Variants in RNF7 observed in about 807,000 individuals in gnomAD.
RNF7 encodes the protein RING-box protein 2.
RNF7 carries 9 observed loss-of-function variants against 17.0 expected under a neutral mutation model. The observed-to-expected ratio is 0.53, with a 90% CI of 0.32 to 0.92. The LOEUF (loss-of-function observed/expected upper bound fraction) is 0.92. RNF7 is among the 40% of genes least tolerant of loss of function. The pLI is 0.04. For missense variants in RNF7, 87 were observed against 145.8 expected (o/e 0.60, Z 2.08); for synonymous variants, 59 against 50.5 (o/e 1.17, Z -0.72).
In RNF7 at chr3:141,747,486, C is replaced by G. The variant is rs2084485917; in HGVS notation, c.*2209C>G. 6.6e-6 allele frequency: 1 copy of G among 152,202 alleles called. No homozygotes were observed. Among genetic ancestry groups the G allele is most frequent in the Non-Finnish European group, 1.5e-5 (1 of 68,036 alleles). The allele number at this position is 152,202 out of a possible 1,614,324, so 9.4% of individuals were successfully genotyped here. A position where few individuals can be genotyped will look rare whatever the true frequency, so the allele number is the denominator to read the frequency against. ...TTAATTCTGTCAGTCCCATTGCTTC[C>G]TTTTTTATAAAAATACTGTGTCCCC... On this transcript the variant is annotated 3_prime_UTR_variant, in exon 3 of 3. Transcript: ENST00000273480.
intron 1 of RNF7, among the ~76,000 whole-genome samples, chr3:141,739,277 G>A (rs571527092): frequency 1.8e-4 from 27 of 152,278 alleles, no homozygotes; most frequent in Admixed American, 5.2e-4. Flanking sequence ...CCATTTCCTG[G>A]AGAAGATACT....
chr3:141,741,383 A>G (rs931595528), intron 1 of RNF7, among the ~76,000 whole-genome samples: 3 of 152,198 alleles, frequency 2.0e-5, no homozygotes, highest in Non-Finnish European at 1.5e-5. Context: ...AGAAAACCTC[A>G]GGAGGCAGTG....
Position 141,743,517 on chromosome 3 carries a change from C to G in RNF7, c.184C>G (p.Leu62Val). The change falls in exon 2 of 3, where the codon CTT (leucine) becomes GTT (valine). Residue 62 changes from leucine to valine, a missense_variant. Physicochemically the swap from Leu to Val is conservative, Grantham distance 32. Coordinates refer to ENST00000273480, the MANE Select transcript of RNF7 (RefSeq NM_014245.5). Reference protein sequence around the residue: ...ICRVQVMDACLRCQAENKQED... With the variant: ...ICRVQVMDACVRCQAENKQED... Reference sequence around the variant, plus strand: ...TATTTGTTTACTTTTAGATGCCTGTCTTAGATGTCAAGCTGAAAACAAACA... The same window carrying G: ...TATTTGTTTACTTTTAGATGCCTGTGTTAGATGTCAAGCTGAAAACAAACA... The G allele has an allele frequency of 6.2e-7, 1 of 1,609,774 alleles. No individual in the cohort carries two copies. The highest frequency in any genetic ancestry group is 8.5e-7 in the Non-Finnish European group (1 of 1,178,504).
Position 141,747,370 on chromosome 3 carries a change from T to G in RNF7, c.*2093T>G, listed in dbSNP as rs2084484774. 6.6e-6 allele frequency: 1 copy of G among 151,934 alleles called. No individual in the cohort carries two copies. Among genetic ancestry groups the G allele is most frequent in the Admixed American group, 6.6e-5 (1 of 15,234 alleles). The allele number at this position is 151,934 out of a possible 1,614,324, so 9.4% of individuals were successfully genotyped here. A position where few individuals can be genotyped will look rare whatever the true frequency, so the allele number is the denominator to read the frequency against. ...ATTAAATGTGCTGATTTTATTTTAC[T>G]GTTGCATTAGAAACAAACAAGTTAT... On this transcript the variant is annotated 3_prime_UTR_variant, in exon 3 of 3. Coordinates refer to ENST00000273480, the MANE Select transcript of RNF7 (RefSeq NM_014245.5).
At chr3:141,743,672 G>C (rs1159783034) in intron 2 of RNF7, 116 bp downstream of exon 2, 1 of 689,664 alleles carries the variant, frequency 1.4e-6, no homozygotes, top group Non-Finnish European at 2.4e-6. Flanking sequence ...CTGTAAAGCA[G>C]TGATCCATTG....
chr3:141,739,636 G>T (rs77870385), intron 1 of RNF7, among the ~76,000 whole-genome samples: 18,828 of 152,226 alleles, frequency 0.12, 1,265 homozygotes, highest in Middle Eastern at 0.19. Context: ...CTTAAGGGGG[G>T]TGAGACTGTA....
intron 1 of RNF7, among the ~76,000 whole-genome samples, chr3:141,740,299 TC>T (rs1376059636): frequency 6.6e-6 from 1 of 152,122 alleles, no homozygotes; most frequent in Non-Finnish European, 1.5e-5. Context: ...AAGGGTATTT[TC>T]AAAAGATTTG....
At chr3:141,740,583 A>G (rs1242667526) in intron 1 of RNF7, among the ~76,000 whole-genome samples, 1 of 152,208 alleles carries the variant, frequency 6.6e-6, no homozygotes, top group African/African-American at 2.4e-5. Flanking sequence ...TATTTTGTTT[A>G]TGAGGTGTTA....
At chr3:141,742,334 C>T (rs1250470772) in intron 1 of RNF7, among the ~76,000 whole-genome samples, 1 of 149,984 alleles carries the variant, frequency 6.7e-6, no homozygotes, top group Non-Finnish European at 1.5e-5. Flanking sequence ...TCACGCCATT[C>T]TCCTGCCTCA....
At chr3:141,744,374 C>T (rs1188755937) in intron 2 of RNF7, among the ~76,000 whole-genome samples, 1 of 151,618 alleles carries the variant, frequency 6.6e-6, no homozygotes, top group Non-Finnish European at 1.5e-5. Context: ...TTTTTCTCTG[C>T]CTTATTTCTT....
intron 1 of RNF7, among the ~76,000 whole-genome samples, chr3:141,740,551 A>G (rs2084406040): frequency 6.6e-6 from 1 of 152,206 alleles, no homozygotes; most frequent in African/African-American, 2.4e-5. Context: ...GGTTCAGGAA[A>G]TTATTCTAGG....
chr3:141,743,729 C>G (rs1202993839), intron 2 of RNF7, among the ~76,000 whole-genome samples, 173 bp downstream of exon 2: 3 of 152,094 alleles, frequency 2.0e-5, no homozygotes, highest in Non-Finnish European at 4.4e-5. Flanking sequence ...TGGAATGAAC[C>G]TGCAAGTCCT....
chr3:141,742,806 G>C, intron 1 of RNF7: 5 of 1,240,500 alleles, frequency 4.0e-6, no homozygotes, highest in Non-Finnish European at 5.2e-6. Flanking sequence ...CAACCTATTG[G>C]AAGCATACAA....
rs534553225 is a variant in RNF7 at position 141,738,571 on chromosome 3, G to A, written c.175+55G>A. On this transcript the variant is annotated intron_variant, in intron 1 of 2. Transcript: ENST00000273480. ...CCTGCGGCCTCCGGGAGCCGACCTC[G>A]GGGTTGGGAAGGGACGGGCGTCCGT... 40 of 1,530,106 alleles carry A rather than the reference G, an allele frequency of 2.6e-5. No individual in the cohort carries two copies. In the Admixed American group the frequency reaches 6.7e-4, roughly 26 times the overall value. The allele number at this position is 1,530,106 out of a possible 1,614,324, so 94.8% of individuals were successfully genotyped here. A position where few individuals can be genotyped will look rare whatever the true frequency, so the allele number is the denominator to read the frequency against.
chr3:141,743,689 TAAAA>T, intron 2 of RNF7, 133 bp downstream of exon 2: 1 of 591,044 alleles, frequency 1.7e-6, no homozygotes, highest in South Asian at 3.0e-5. Flanking sequence ...ATTGTTAATA[TAAAA>T]TATGTTGGTT....
intron 1 of RNF7, among the ~76,000 whole-genome samples, chr3:141,741,059 A>T (rs1157837605): frequency 6.6e-6 from 1 of 152,252 alleles, no homozygotes. Context: ...TAGTACAGCC[A>T]GTTATAATAG....
intron 1 of RNF7, chr3:141,742,920 GA>G: frequency 9.7e-7 from 1 of 1,035,566 alleles, no homozygotes; most frequent in Non-Finnish European, 1.2e-6. Flanking sequence ...AAGTATGGAT[GA>G]CTTTAAAAAA....
At chr3:141,742,041 A>G (rs895559868) in intron 1 of RNF7, among the ~76,000 whole-genome samples, 1 of 151,766 alleles carries the variant, frequency 6.6e-6, no homozygotes, top group African/African-American at 2.4e-5. Context: ...GGGTTGTTAC[A>G]TAGATAAACT....
chr3:141,745,025 T>G, intron 2 of RNF7, 134 bp from the exon 3 acceptor site: 1 of 563,376 alleles, frequency 1.8e-6, no homozygotes, highest in South Asian at 2.1e-5. Flanking sequence ...TCTTTATAGA[T>G]AGAAAAACAT....
Sources: gnomAD v4.1 joint callset for allele counts (sites outside exome capture counted in the v4.1 genomes callset) on GRCh38, gnomAD v4.1.1 for gene constraint, MANE v1.5 for transcripts, NCBI Gene and HGNC (gene_info 2026-07-23, HGNC 2026-07-21) for gene names.